UGT1A9: variants seen among roughly 807,000 people sequenced by gnomAD.
UGT1A9 encodes UDP glucuronosyltransferase family 1 member A9.
UGT1A9 carries 35 observed loss-of-function variants against 45.0 expected under a neutral mutation model. The ratio of observed to expected loss-of-function variants is 0.78; its 90% CI spans 0.59 to 1.03. The LOEUF is 1.03. Among genes scored for constraint, UGT1A9 ranks in the 50% least tolerant of loss-of-function variants. UGT1A9 has a pLI of 0.00. For missense variants in UGT1A9, 687 were observed against 666.6 expected (o/e 1.03, Z -0.34); for synonymous variants, 278 against 250.6 (o/e 1.11, Z -1.03).
intron 1 of UGT1A9, among the ~76,000 whole-genome samples, chr2:233,695,373 C>T (rs1408042500): frequency 6.6e-6 from 1 of 151,854 alleles, no homozygotes; most frequent in Non-Finnish European, 1.5e-5. Flanking sequence ...GTCCGCCCAC[C>T]CCAGCCTCCC....
At chr2:233,735,658 T>C (rs948195085) in intron 1 of UGT1A9, among the ~76,000 whole-genome samples, 2 of 152,230 alleles carry the variant, frequency 1.3e-5, no homozygotes, top group African/African-American at 2.4e-5. Flanking sequence ...CTGGTGTTTC[T>C]TTCCATGTTT....
chr2:233,759,981 A>G (rs1234447648), intron 1 of UGT1A9, among the ~76,000 whole-genome samples: 1 of 152,088 alleles, frequency 6.6e-6, no homozygotes, highest in African/African-American at 2.4e-5. Context: ...CTCTGGTAAC[A>G]CTTGTTGGTC....
chr2:233,680,086 T>TGG (rs1014894946), intron 1 of UGT1A9, among the ~76,000 whole-genome samples: 4 of 152,164 alleles, frequency 2.6e-5, no homozygotes, highest in African/African-American at 9.7e-5. Flanking sequence ...GATTTTGAAA[T>TGG]GGCAGGCAAT....
At chr2:233,764,892 GC>G (rs759147783) in intron 1 of UGT1A9, among the ~76,000 whole-genome samples, 77 of 150,328 alleles carry the variant, frequency 5.1e-4, no homozygotes, top group Non-Finnish European at 1.0e-3. Context: ...CAAAGACAAA[GC>G]CCTTAAGAGC....
intron 1 of UGT1A9, among the ~76,000 whole-genome samples, chr2:233,726,792 T>G (rs1032165047): frequency 1.3e-5 from 2 of 152,238 alleles, no homozygotes; most frequent in Admixed American, 1.3e-4. Flanking sequence ...CCACATCTTA[T>G]TCAAGGCTTG....
intron 1 of UGT1A9, among the ~76,000 whole-genome samples, chr2:233,711,645 C>G (rs757300955): frequency 1.3e-4 from 20 of 152,188 alleles, no homozygotes; most frequent in Non-Finnish European, 2.5e-4. Context: ...CCCATGGGTT[C>G]TGTCCAAAGG....
intron 1 of UGT1A9, among the ~76,000 whole-genome samples, chr2:233,673,258 T>G (rs2074255597): frequency 6.6e-6 from 1 of 152,184 alleles, no homozygotes; most frequent in Non-Finnish European, 1.5e-5. Flanking sequence ...TTTCTTTGCA[T>G]TTTTCACTTG....
intron 1 of UGT1A9, chr2:233,747,256 G>C: frequency 6.2e-7 from 1 of 1,600,772 alleles, no homozygotes; most frequent in Non-Finnish European, 8.5e-7. Flanking sequence ...GCTGGCCACA[G>C]GAGTGCTACT....
chr2:233,717,072 T>A (rs3806595), intron 1 of UGT1A9, among the ~76,000 whole-genome samples: 15,420 of 152,108 alleles, frequency 0.1, 899 homozygotes, highest in East Asian at 0.2. Flanking sequence ...GCCAGACACG[T>A]AACCAGAAAT....
chr2:233,719,557 T>G, intron 1 of UGT1A9: 5 of 1,613,868 alleles, frequency 3.1e-6, no homozygotes, highest in Non-Finnish European at 4.2e-6. Flanking sequence ...GTGTCAGTGG[T>G]GGATCTTGTC....
intron 1 of UGT1A9, chr2:233,753,428 T>C (rs1420824589): frequency 6.6e-6 from 1 of 152,236 alleles, no homozygotes; most frequent in East Asian, 1.9e-4. Context: ...ACAGTATTTG[T>C]TGGTTAATGA....
At chr2:233,699,174 T>G (rs1393097702) in intron 1 of UGT1A9, among the ~76,000 whole-genome samples, 1 of 152,106 alleles carries the variant, frequency 6.6e-6, no homozygotes, top group Non-Finnish European at 1.5e-5. Context: ...GTCTCTCTGA[T>G]CCTCACTTCT....
intron 1 of UGT1A9, among the ~76,000 whole-genome samples, chr2:233,742,305 A>G (rs1353036304): frequency 6.6e-6 from 1 of 152,010 alleles, no homozygotes; most frequent in African/African-American, 2.4e-5. Context: ...AGATTAACTA[A>G]AAGTATTCCT....
intron 1 of UGT1A9, chr2:233,747,484 GC>G: frequency 1.2e-6 from 2 of 1,608,658 alleles, no homozygotes; most frequent in Admixed American, 3.3e-5. Context: ...GAATTTGATC[GC>G]CTTGTGCTGG....
At chr2:233,743,603 C>T (rs1273601432) in intron 1 of UGT1A9, 1 of 1,367,314 alleles carries the variant, frequency 7.3e-7, no homozygotes, top group East Asian at 4.6e-5. Context: ...GTCCTGGCCG[C>T]CGAAGAACTC....
At chr2:233,755,130 T>C (rs191550208) in intron 1 of UGT1A9, 4 of 1,321,300 alleles carry the variant, frequency 3.0e-6, no homozygotes, top group African/African-American at 1.5e-5. Flanking sequence ...AGCCACCTGC[T>C]TGAATCTTCT....
chr2:233,771,102 C>T (rs1210654201), intron 4 of UGT1A9: 9 of 152,162 alleles, frequency 5.9e-5, no homozygotes, highest in Non-Finnish European at 1.3e-4. Context: ...AGGAAGACAG[C>T]ACTAAAGCAC....
rs184388078 is a variant in UGT1A9 at position 233,743,692 on chromosome 2, G to A, written c.856-23342G>A. ...CGAAGGGCCTGCCGCCTGTGCAGCCGCCCTCCGCCCCCGCCTCGCCATAGC... is the reference window on the plus strand; with the variant it reads ...CGAAGGGCCTGCCGCCTGTGCAGCCACCCTCCGCCCCCGCCTCGCCATAGC... On this transcript the variant is annotated intron_variant, in intron 1 of 4. Coordinates refer to ENST00000354728, the MANE Select transcript of UGT1A9 (RefSeq NM_021027.3). The A allele has an allele frequency of 3.6e-4, 492 of 1,367,218 alleles. 1 individual carries two copies. Among genetic ancestry groups the A allele is most frequent in the Non-Finnish European group, 4.5e-4 (457 of 1,021,852 alleles). 84.7% of individuals were successfully genotyped at this position (1,367,218 alleles called of 1,614,324 possible). A position where few individuals can be genotyped will look rare whatever the true frequency, so the allele number is the denominator to read the frequency against.
intron 1 of UGT1A9, among the ~76,000 whole-genome samples, chr2:233,697,574 T>A (rs1184088386): frequency 6.6e-6 from 1 of 151,944 alleles, no homozygotes; most frequent in African/African-American, 2.4e-5. Context: ...TTTAATTTAT[T>A]TTTTCCCTGA....
Sources: allele counts gnomAD v4.1 joint callset (sites outside exome capture counted in the v4.1 genomes callset), GRCh38; gene constraint gnomAD v4.1.1; transcripts MANE v1.5; gene names NCBI Gene and HGNC (gene_info 2026-07-23, HGNC 2026-07-21).